The following FAT3 variants were observed in gnomAD, a reference collection of about 807,000 sequenced individuals.
FAT3 encodes FAT atypical cadherin 3.
A neutral mutation model predicts 310.2 loss-of-function variants in FAT3; 95 were observed. The ratio of observed to expected loss-of-function variants is 0.31; its 90% CI spans 0.26 to 0.36. The LOEUF (loss-of-function observed/expected upper bound fraction) is 0.36. Ranked by LOEUF, FAT3 falls within the 10% of genes least tolerant of loss-of-function variation. The probability of loss-of-function intolerance (pLI) is 1.00; values close to 1 mark genes in which losing one functional copy is unlikely to be tolerated. For missense variants in FAT3, 5,408 were observed against 5,715.6 expected, an observed-to-expected ratio of 0.95 and a Z score of 1.74; for synonymous variants, 2,314 against 2,192.9, an observed-to-expected ratio of 1.06 and a Z score of -1.54.
chr11:92,878,852 A>G (rs1388172989), intron 22 of FAT3, among the ~76,000 whole-genome samples: 1 of 151,876 alleles, frequency 6.6e-6, no homozygotes, highest in South Asian at 2.1e-4. Flanking sequence ...TTCCATAAAA[A>G]TAGAATAGAG....
intron 3 of FAT3, among the ~76,000 whole-genome samples, chr11:92,694,204 A>G (rs966377230): frequency 2.6e-5 from 4 of 152,232 alleles, no homozygotes; most frequent in African/African-American, 9.6e-5. Flanking sequence ...ACCCATTAGC[A>G]GACACTCCCT....
At chr11:92,229,507 G>GTTTTTTTTTTTTTT (rs1565339350) in intron 1 of FAT3, among the ~76,000 whole-genome samples, 1 of 58,160 alleles carries the variant, frequency 1.7e-5, no homozygotes, top group Non-Finnish European at 3.1e-5. Context: ...TTTTTTTTTT[G>GTTTTTTTTTTTTTT]TTTTTTGTTT....
chr11:92,849,873 A>G (rs1948776899), intron 19 of FAT3, among the ~76,000 whole-genome samples: 1 of 152,154 alleles, frequency 6.6e-6, no homozygotes, highest in Admixed American at 6.5e-5. Context: ...GGAGCATGAA[A>G]CAGCATCATG....
intron 2 of FAT3, among the ~76,000 whole-genome samples, chr11:92,404,493 T>TCAC (rs1950094556): frequency 8.6e-5 from 13 of 151,560 alleles, no homozygotes; most frequent in Admixed American, 7.2e-4. Flanking sequence ...GAGTGTTCAT[T>TCAC]TGACCTTTGA....
chr11:92,557,376 A>C (rs2135458016), intron 3 of FAT3, among the ~76,000 whole-genome samples: 1 of 152,246 alleles, frequency 6.6e-6, no homozygotes, highest in Non-Finnish European at 1.5e-5. Flanking sequence ...AATAAAGCAA[A>C]GACTTAAAGA....
intron 3 of FAT3, among the ~76,000 whole-genome samples, chr11:92,627,901 G>C (rs894606654): frequency 2.0e-5 from 3 of 152,206 alleles, no homozygotes; most frequent in African/African-American, 7.2e-5. Context: ...GAGCAAGGCT[G>C]TGCAGAGGTG....
intron 1 of FAT3, among the ~76,000 whole-genome samples, chr11:92,259,047 A>G (rs992086797): frequency 4.6e-5 from 7 of 151,980 alleles, no homozygotes; most frequent in Admixed American, 3.9e-4. Context: ...TGGGCAGGAA[A>G]GAGCTATGGC....
At chr11:92,340,152 C>T (rs543453356) in intron 1 of FAT3, among the ~76,000 whole-genome samples, 27 of 142,294 alleles carry the variant, frequency 1.9e-4, no homozygotes, top group African/African-American at 4.7e-4. Flanking sequence ...TCAAATTTGG[C>T]GGAACCTTTT....
chr11:92,272,679 G>A (rs1193974902), intron 1 of FAT3, among the ~76,000 whole-genome samples: 2 of 151,998 alleles, frequency 1.3e-5, no homozygotes, highest in African/African-American at 4.8e-5. Context: ...GGAGAACATG[G>A]GGTGTGGGGT....
In FAT3 at chr11:92,470,138, G is replaced by A. The variant is rs11019972; in HGVS notation, c.3293-54496G>A. Among the ~76,000 whole-genome samples, 98 of 152,310 alleles carry A rather than the reference G, an allele frequency of 6.4e-4. No individual in the cohort carries two copies. The East Asian group carries it at 0.011, about 18-fold the overall frequency. On this transcript the variant is annotated intron_variant, in intron 2 of 27. Coordinates refer to ENST00000525166, the MANE Select transcript of FAT3 (RefSeq NM_001367949.2). ...ATGAGAAAGAATTTGAGCCCTGAGA[G>A]ATTTATTGCCCGAGGCAGAACCCAG...
rs745585787 is a variant in FAT3, at chr11:92,844,206, C to T, written c.10839C>T (p.Ser3613=). ...TCATCGCCCTGGGAGGCCTGGACAG[C>T]GGCAAGTATGTCCTGAATGTGTCTG... is the stretch of plus-strand genomic sequence containing the variant. ...GKIIALGGLD[S]GKYVLNVSVS... Residue 3613 remains serine (S), a synonymous_variant, in exon 19 of 28, where the codon AGC becomes AGT. Coordinates refer to ENST00000525166, the MANE Select transcript of FAT3 (RefSeq NM_001367949.2). The T allele has an allele frequency of 3.0e-5, 48 of 1,613,876 alleles. No homozygotes were observed. Among genetic ancestry groups the T allele is most frequent in the East Asian group, 6.7e-5 (3 of 44,898 alleles).
chr11:92,609,101 G>A (rs1040365087), intron 3 of FAT3, among the ~76,000 whole-genome samples: 5 of 152,174 alleles, frequency 3.3e-5, no homozygotes, highest in African/African-American at 1.2e-4. Context: ...ATACTCTTGA[G>A]CATTTACAAA....
intron 2 of FAT3, among the ~76,000 whole-genome samples, chr11:92,512,459 G>A (rs914422330): frequency 6.8e-6 from 1 of 147,928 alleles, no homozygotes. Flanking sequence ...AAGCAAAGGG[G>A]ACTTTCTTAT....
intron 2 of FAT3, among the ~76,000 whole-genome samples, chr11:92,428,722 A>C (rs1351458517): frequency 6.6e-6 from 1 of 152,070 alleles, no homozygotes; most frequent in Non-Finnish European, 1.5e-5. Context: ...CTGAGTTCTA[A>C]TTTGATTGCA....
chr11:92,810,767 C>T (rs1262987646), intron 13 of FAT3, among the ~76,000 whole-genome samples: 1 of 151,806 alleles, frequency 6.6e-6, no homozygotes, highest in Non-Finnish European at 1.5e-5. Flanking sequence ...CTAGGTAGAC[C>T]TTCTGAGAAT....
At chr11:92,708,590 T>G (rs548862474) in intron 4 of FAT3, among the ~76,000 whole-genome samples, 30 of 152,336 alleles carry the variant, frequency 2.0e-4, no homozygotes, top group African/African-American at 6.7e-4. Context: ...GCTTTAAAAT[T>G]TTCCCTGTGA....
At chr11:92,825,062 A>G (rs750563962) in intron 13 of FAT3, among the ~76,000 whole-genome samples, 9 of 152,260 alleles carry the variant, frequency 5.9e-5, no homozygotes, top group South Asian at 2.1e-4. Context: ...ATTGTTAAAT[A>G]TTAAAAAACT....
rs1422809479 is a variant in FAT3 at position 92,545,507 on chromosome 11, GA to G, written c.3607+20560del. Among the ~76,000 whole-genome samples, 3 of 152,196 alleles carry G rather than the reference GA, an allele frequency of 2.0e-5. No homozygotes were observed. In the East Asian group the frequency reaches 5.8e-4, roughly 29 times the overall value. ...TAAATGAATGAATAGCTAAATTAGT[GA>G]TAGAATAAATTTGCTAGAATTTTCT... On this transcript the variant is annotated intron_variant, in intron 3 of 27. Transcript: ENST00000525166.
At chr11:92,716,778 G>C (rs1792368) in intron 4 of FAT3, among the ~76,000 whole-genome samples, 47,524 of 152,114 alleles carry the variant, frequency 0.31, 7,711 homozygotes, top group Non-Finnish European at 0.33. Context: ...GGAATCTAAA[G>C]AGAGATTCAT....
Sources: gnomAD v4.1 joint callset for allele counts (sites outside exome capture counted in the v4.1 genomes callset) on GRCh38, gnomAD v4.1.1 for gene constraint, MANE v1.5 for transcripts, NCBI Gene and HGNC (gene_info 2026-07-23, HGNC 2026-07-21) for gene names.